CACNA1A: variants seen among roughly 807,000 people sequenced by gnomAD.
CACNA1A encodes voltage-dependent P/Q-type calcium channel subunit alpha-1A.
A neutral mutation model predicts 262.4 loss-of-function variants in CACNA1A; 57 were observed. The ratio of observed to expected loss-of-function variants is 0.22; its 90% CI spans 0.18 to 0.27. CACNA1A has a LOEUF of 0.27. Among genes scored for constraint, CACNA1A ranks in the 10% least tolerant of loss-of-function variants. CACNA1A has a pLI of 1.00. For synonymous variants in CACNA1A, 1,431 were observed against 1,419.3 expected, an observed-to-expected ratio of 1.01 and a Z score of -0.18; for missense variants, 2,526 against 3,562.8, an observed-to-expected ratio of 0.71 and a Z score of 7.41.
At chr19:13,340,739 T>C (rs1344166042) in intron 6 of CACNA1A, among the ~76,000 whole-genome samples, 1 of 152,164 alleles carries the variant, frequency 6.6e-6, no homozygotes, top group Non-Finnish European at 1.5e-5. Context: ...GAGGTCAAGT[T>C]ACATGCCCAC....
rs1047407993 is a variant in CACNA1A, at chr19:13,359,655, G to A, written c.929C>T (p.Thr310Ile). ...TTCCATGGTTATGCACTGGAAAACA[G>A]TCAGCACTGCAAACAGGATGTTGTC... ...QFDNILFAVL[T>I]VFQCITMEGW... The change falls in exon 6 of 47, where the codon ACT becomes ATT. Residue 310 changes from threonine (T) to isoleucine (I), a missense_variant. Around this residue, in one of 17 missense-constraint regions of CACNA1A, gnomAD observed 52 missense variants for 124.0 expected, o/e 0.42. Coordinates refer to ENST00000360228, the MANE Select transcript of CACNA1A (RefSeq NM_001127222.2). 1 of 1,611,050 alleles carries A rather than the reference G, an allele frequency of 6.2e-7. No individual in the cohort carries two copies. The highest frequency in any genetic ancestry group is 1.3e-5 in the African/African-American group (1 of 74,908).
chr19:13,264,773 G>A (rs1190646548), intron 24 of CACNA1A, among the ~76,000 whole-genome samples: 2 of 152,022 alleles, frequency 1.3e-5, no homozygotes, highest in African/African-American at 2.4e-5. Flanking sequence ...GTGCTATTTC[G>A]GAGTTAATCT....
chr19:13,236,023 G>A lies in CACNA1A; in HGVS notation c.4951-293C>T. 2.9e-6 allele frequency: 1 copy of A among 341,792 alleles called. No individual in the cohort carries two copies. 21.2% of individuals were successfully genotyped at this position (341,792 alleles called of 1,614,324 possible). Reference sequence around the variant, plus strand: ...GGGAAAAGAAAAGAAAAAGAAAGGAGGAAAAAGGAACGGGGATGGGGAAGA... The same window carrying A: ...GGGAAAAGAAAAGAAAAAGAAAGGAAGAAAAAGGAACGGGGATGGGGAAGA... On this transcript the variant is annotated intron_variant, in intron 31 of 46. Transcript: ENST00000360228. This position sits in a 1 kb window ranked among gnomAD's most constrained non-coding sequence, Gnocchi z 4.6.
At chr19:13,229,611 C>A (rs1392840121) in intron 36 of CACNA1A, 1 of 153,984 alleles carries the variant, frequency 6.5e-6, no homozygotes. Context: ...CTCTCACTCC[C>A]AGGTTCACGG....
intron 24 of CACNA1A, among the ~76,000 whole-genome samples, chr19:13,269,846 A>G (rs1207646149): frequency 6.6e-6 from 1 of 152,150 alleles, no homozygotes; most frequent in Non-Finnish European, 1.5e-5. Context: ...GCTTCAATAC[A>G]TCCCTTGGTG....
At chr19:13,465,663 T>C (rs927236300) in intron 1 of CACNA1A, among the ~76,000 whole-genome samples, 2 of 152,000 alleles carry the variant, frequency 1.3e-5, no homozygotes, top group African/African-American at 4.8e-5. Flanking sequence ...TTTTTGTAAA[T>C]TGTTTTGTAG....
At chr19:13,350,847 A>G (rs1271806715) in intron 6 of CACNA1A, among the ~76,000 whole-genome samples, 1 of 152,200 alleles carries the variant, frequency 6.6e-6, no homozygotes, top group Non-Finnish European at 1.5e-5. Context: ...TACCAAAAAA[A>G]TACAATTAGC....
At chr19:13,235,404 C>T in intron 32 of CACNA1A, 130 bp from the exon 33 acceptor site, 1 of 924,536 alleles carries the variant, frequency 1.1e-6, no homozygotes, top group Non-Finnish European at 1.7e-6. Flanking sequence ...CCTTCCAGGG[C>T]TGGTGGGCAT....
intron 38 of CACNA1A, among the ~76,000 whole-genome samples, chr19:13,223,638 T>C (rs1337929116): frequency 1.3e-5 from 2 of 152,208 alleles, no homozygotes; most frequent in Non-Finnish European, 2.9e-5. Context: ...GCTCTGAACC[T>C]GCGTGGCGTG....
intron 6 of CACNA1A, among the ~76,000 whole-genome samples, chr19:13,341,276 C>G (rs2058671429): frequency 1.3e-5 from 2 of 151,846 alleles, no homozygotes; most frequent in Non-Finnish European, 1.5e-5. Context: ...GATTTCAGAC[C>G]AAGTCTCAGG....
chr19:13,297,750 C>A (rs1028922048), intron 19 of CACNA1A, among the ~76,000 whole-genome samples: 1 of 151,942 alleles, frequency 6.6e-6, no homozygotes, highest in Non-Finnish European at 1.5e-5. Flanking sequence ...GAGGTAGAGG[C>A]TGCACTGAGC....
At chr19:13,346,699 A>T (rs2058794135) in intron 6 of CACNA1A, among the ~76,000 whole-genome samples, 2 of 44,718 alleles carry the variant, frequency 4.5e-5, no homozygotes, top group African/African-American at 1.1e-4. Context: ...TTTTTTTTTG[A>T]GACAGAGTCT....
intron 1 of CACNA1A, among the ~76,000 whole-genome samples, chr19:13,487,024 C>T (rs530143412): frequency 5.6e-4 from 86 of 152,282 alleles, no homozygotes; most frequent in African/African-American, 2.0e-3. Flanking sequence ...TGGCATGGCC[C>T]ACCGTGGTTC....
chr19:13,506,429 G>C lies in CACNA1A; in HGVS notation c.-205C>G, dbSNP rs537825907. 2.6e-6 allele frequency: 1 copy of C among 389,696 alleles called. No individual in the cohort carries two copies. The highest frequency in any genetic ancestry group is 4.5e-6 in the Non-Finnish European group (1 of 223,084). 24.1% of individuals were successfully genotyped at this position (389,696 alleles called of 1,614,324 possible). A position where few individuals can be genotyped will look rare whatever the true frequency, so the allele number is the denominator to read the frequency against. Reference sequence around the variant, plus strand: ...TCGGGGGCTCAGAAGGCGGCTGCCCGGGCCGAGCCGGGGATAGCAGCTCGG... The same window carrying C: ...TCGGGGGCTCAGAAGGCGGCTGCCCCGGCCGAGCCGGGGATAGCAGCTCGG... On this transcript the variant is annotated 5_prime_UTR_variant, in exon 1 of 47. Coordinates refer to ENST00000360228, the MANE Select transcript of CACNA1A (RefSeq NM_001127222.2).
At chr19:13,500,195 T>C (rs1432330517) in intron 1 of CACNA1A, among the ~76,000 whole-genome samples, 2 of 152,150 alleles carry the variant, frequency 1.3e-5, no homozygotes. Context: ...TGTTATACAA[T>C]TTAGTTAATG....
chr19:13,319,938 A>G (rs998436555), intron 10 of CACNA1A, among the ~76,000 whole-genome samples: 1 of 151,980 alleles, frequency 6.6e-6, no homozygotes, highest in African/African-American at 2.4e-5. Context: ...GGGCCGCCAC[A>G]TTGCACACCT....
intron 3 of CACNA1A, among the ~76,000 whole-genome samples, chr19:13,383,824 ATTTATT>A (rs1037547084): frequency 6.6e-6 from 1 of 151,840 alleles, no homozygotes; most frequent in Admixed American, 6.6e-5. Context: ...TTGTTTATTT[ATTTATT>A]TTTAAGACAG....
chr19:13,382,187 C>T (rs2059535400), intron 3 of CACNA1A, among the ~76,000 whole-genome samples: 2 of 152,030 alleles, frequency 1.3e-5, no homozygotes, highest in African/African-American at 4.8e-5. Context: ...ATAGAGGAGG[C>T]AGGGATGAAA....
intron 44 of CACNA1A, 51 bp from the exon 45 acceptor site, chr19:13,209,549 G>A: frequency 1.6e-6 from 2 of 1,237,864 alleles, no homozygotes; most frequent in Non-Finnish European, 1.0e-6. Flanking sequence ...AGCACCAAGT[G>A]GTCCCGGTCC....
Sources: gnomAD v4.1 joint callset for allele counts (sites outside exome capture counted in the v4.1 genomes callset) on GRCh38, gnomAD v4.1.1 for gene constraint, gnomAD v4.1.1 regional missense constraint, Gnocchi (gnomAD v3.1) non-coding constraint, MANE v1.5 for transcripts, NCBI Gene and HGNC (gene_info 2026-07-23, HGNC 2026-07-21) for gene names.